TMEM38B: variants seen among roughly 807,000 people sequenced by gnomAD.
TMEM38B encodes transmembrane protein 38B.
Under a neutral mutation model 28.7 loss-of-function variants are expected in TMEM38B, and 24 were observed. The observed-to-expected ratio is 0.84, with a 90% CI of 0.61 to 1.18. The LOEUF is 1.18. TMEM38B is among the 50% of genes most tolerant of loss of function. The probability of loss-of-function intolerance (pLI) is 0.00; values close to 1 mark genes in which losing one functional copy is unlikely to be tolerated. For missense variants in TMEM38B, 380 were observed against 350.9 expected (o/e 1.08, Z -0.66); for synonymous variants, 131 against 127.7 (o/e 1.03, Z -0.17).
chr9:105,708,649 GT>G (rs1835769775), intron 2 of TMEM38B, among the ~76,000 whole-genome samples: 1 of 152,074 alleles, frequency 6.6e-6, no homozygotes, highest in Non-Finnish European at 1.5e-5. Context: ...TTTCTTGAAT[GT>G]TCCAACGTAA....
chr9:105,701,598 A>G (rs1319781622), intron 1 of TMEM38B: 3 of 152,342 alleles, frequency 2.0e-5, no homozygotes, highest in East Asian at 3.9e-4. Flanking sequence ...TTTATAATTC[A>G]TAGCTATTCT....
intron 5 of TMEM38B, among the ~76,000 whole-genome samples, chr9:105,755,279 C>T (rs1407286637): frequency 2.0e-5 from 3 of 152,170 alleles, no homozygotes; most frequent in Non-Finnish European, 2.9e-5. Context: ...TCCTCCCTAA[C>T]ACACACTAGG....
At chr9:105,727,724 C>T (rs1485908263) in intron 4 of TMEM38B, among the ~76,000 whole-genome samples, 1 of 152,122 alleles carries the variant, frequency 6.6e-6, no homozygotes, top group African/African-American at 2.4e-5. Context: ...TGTTTGTCCC[C>T]TCCAGTTCAT....
chr9:105,762,762 G>A (rs1466939990), intron 5 of TMEM38B, among the ~76,000 whole-genome samples: 2 of 148,532 alleles, frequency 1.3e-5, no homozygotes, highest in Admixed American at 6.7e-5. Context: ...TAGTCCTTTG[G>A]GTATATACCC....
At chr9:105,706,785 C>CTTGAA (rs1835686068) in intron 2 of TMEM38B, among the ~76,000 whole-genome samples, 1 of 151,346 alleles carries the variant, frequency 6.6e-6, no homozygotes, top group African/African-American at 2.4e-5. Flanking sequence ...TATAACTGTT[C>CTTGAA]TTGAATTGAG....
intron 5 of TMEM38B, chr9:105,758,565 A>G: frequency 2.5e-6 from 3 of 1,180,918 alleles, no homozygotes; most frequent in Non-Finnish European, 3.8e-6. Flanking sequence ...GAAATTTCTT[A>G]AGAATCATGT....
Position 105,721,667 on chromosome 9 carries a change from A to G in TMEM38B, c.400A>G (p.Asn134Asp). ...WKIVGGVTHA[N>D]SYYKNGWIVM... is the part of the protein sequence containing the mutation. ...AATAGTAGGTGGAGTCACACATGCTAATAGCTATTACAAAAATGGCTGGAT... is the reference window on the plus strand; with the variant it reads ...AATAGTAGGTGGAGTCACACATGCTGATAGCTATTACAAAAATGGCTGGAT... The change falls in exon 3 of 6, where the codon AAT (asparagine) becomes GAT (aspartate). Residue 134 changes from asparagine (N) to aspartate (D), a missense_variant. By Grantham distance (23) the Asn-to-Asp change is conservative. Coordinates refer to ENST00000374692, the MANE Select transcript of TMEM38B (RefSeq NM_018112.3). 1.9e-6 allele frequency: 3 copies of G among 1,613,526 alleles called. No individual in the cohort carries two copies. The highest frequency in any genetic ancestry group is 2.5e-6 in the Non-Finnish European group (3 of 1,179,666).
At chr9:105,765,118 G>C (rs1179870030) in intron 5 of TMEM38B, among the ~76,000 whole-genome samples, 4 of 152,126 alleles carry the variant, frequency 2.6e-5, no homozygotes, top group African/African-American at 9.7e-5. Flanking sequence ...AAAATTATTG[G>C]ACCAAATTGA....
At position 105,756,568 on chromosome 9, in the gene TMEM38B, T is replaced by A. The variant is rs146950109; in HGVS notation, c.660+8378T>A. On this transcript the variant is annotated intron_variant, in intron 5 of 5. Transcript: ENST00000374692. ...GTAAGAATAAATAGCACTGGTATCT[T>A]ACATTTTCTTGAGTTACAGCATCAA... Among the ~76,000 whole-genome samples the A allele has an allele frequency of 6.1e-3, 925 of 152,304 alleles. 6 individuals carry two copies. The highest frequency in any genetic ancestry group is 7.0e-3 in the Non-Finnish European group (477 of 68,020).
At chr9:105,722,938 TTC>T (rs1291485962) in intron 4 of TMEM38B, among the ~76,000 whole-genome samples, 1 of 152,208 alleles carries the variant, frequency 6.6e-6, no homozygotes, top group Non-Finnish European at 1.5e-5. Context: ...AGGAATAGAC[TTC>T]TCTGGATGAA....
chr9:105,738,098 G>A (rs537602214), intron 4 of TMEM38B, among the ~76,000 whole-genome samples: 7 of 152,228 alleles, frequency 4.6e-5, no homozygotes, highest in African/African-American at 1.7e-4. Flanking sequence ...TTTCAAGATG[G>A]TGTAGCACAG....
intron 5 of TMEM38B, among the ~76,000 whole-genome samples, chr9:105,768,723 G>A (rs564197271): frequency 6.6e-6 from 1 of 152,224 alleles, no homozygotes; most frequent in East Asian, 1.9e-4. Flanking sequence ...TCCCTTTAAT[G>A]TCTGTAGAAT....
chr9:105,736,270 G>A (rs1049135670), intron 4 of TMEM38B, among the ~76,000 whole-genome samples: 9 of 151,958 alleles, frequency 5.9e-5, no homozygotes, highest in African/African-American at 1.9e-4. Context: ...TGTCCTATAA[G>A]TCCCATAGGC....
chr9:105,741,275 A>G (rs1215068100), intron 4 of TMEM38B, among the ~76,000 whole-genome samples: 1 of 152,200 alleles, frequency 6.6e-6, no homozygotes, highest in Non-Finnish European at 1.5e-5. Context: ...ACAGGAAAGT[A>G]ATAGAGATTT....
intron 2 of TMEM38B, among the ~76,000 whole-genome samples, chr9:105,709,503 A>C (rs1835817644): frequency 6.6e-6 from 1 of 152,204 alleles, no homozygotes; most frequent in South Asian, 2.1e-4. Flanking sequence ...GCCATACTGT[A>C]ATCATTCACT....
At chr9:105,759,166 A>G in intron 5 of TMEM38B, 1 of 757,934 alleles carries the variant, frequency 1.3e-6, no homozygotes. Context: ...ACAATCACAG[A>G]TTATTTTCTA....
intron 4 of TMEM38B, among the ~76,000 whole-genome samples, chr9:105,738,152 C>T (rs754819741): frequency 6.6e-6 from 1 of 151,990 alleles, no homozygotes; most frequent in Non-Finnish European, 1.5e-5. Flanking sequence ...TAGGATTCTT[C>T]CTTGGGGTGA....
intron 2 of TMEM38B, among the ~76,000 whole-genome samples, chr9:105,719,605 G>A (rs1303606280): frequency 3.3e-5 from 5 of 152,064 alleles, no homozygotes; most frequent in African/African-American, 1.2e-4. Flanking sequence ...CAGTTTTTTT[G>A]TTTAAAATGT....
At chr9:105,732,925 T>G (rs1836815589) in intron 4 of TMEM38B, among the ~76,000 whole-genome samples, 1 of 152,202 alleles carries the variant, frequency 6.6e-6, no homozygotes, top group Non-Finnish European at 1.5e-5. Context: ...ACAATATTGA[T>G]TCTTCCTGTC....
Sources: gnomAD v4.1 joint callset for allele counts (sites outside exome capture counted in the v4.1 genomes callset) on GRCh38, gnomAD v4.1.1 for gene constraint, MANE v1.5 for transcripts, NCBI Gene and HGNC (gene_info 2026-07-23, HGNC 2026-07-21) for gene names.